The following GIMAP6 variants were observed in gnomAD, a reference collection of about 807,000 sequenced individuals.
GIMAP6 encodes GTPase, IMAP family member 6.
In GIMAP6, 6 loss-of-function variants were observed where a neutral mutation model predicts 9.3. The observed-to-expected ratio is 0.65, with a 90% CI of 0.35 to 1.27. The LOEUF is 1.27. GIMAP6 is among the 50% of genes most tolerant of loss of function. The pLI, the probability that GIMAP6 is intolerant of heterozygous loss-of-function variation, is 0.03. For missense variants in GIMAP6, 333 were observed against 359.5 expected, an observed-to-expected ratio of 0.93 and a Z score of 0.60; for synonymous variants, 156 against 151.1, an observed-to-expected ratio of 1.03 and a Z score of -0.24.
rs1271862856 is a variant in GIMAP6 at position 150,625,688 on chromosome 7, A to G, written c.*2031T>C. On this transcript the variant is annotated 3_prime_UTR_variant, in exon 3 of 3. Coordinates refer to ENST00000328902, the MANE Select transcript of GIMAP6 (RefSeq NM_024711.6). ...TTAACATAAATGTAAGACATTGCCA[A>G]CTAGAATACCAATATGATTTTGGGG... 1.3e-5 allele frequency: 2 copies of G among 152,202 alleles called. No individual in the cohort carries two copies. Among genetic ancestry groups the G allele is most frequent in the Admixed American group, 1.3e-4 (2 of 15,278 alleles). The allele number at this position is 152,202 out of a possible 1,614,324, so 9.4% of individuals were successfully genotyped here. A position where few individuals can be genotyped will look rare whatever the true frequency, so the allele number is the denominator to read the frequency against.
rs149376163 is a variant in GIMAP6 at position 150,628,354 on chromosome 7, G to T, written c.244C>A (p.Arg82=). Residue 82 remains arginine, a synonymous_variant, in exon 3 of 3, where the codon CGG becomes AGG. Coordinates refer to ENST00000328902, the MANE Select transcript of GIMAP6 (RefSeq NM_024711.6). The part of the protein sequence containing the change: ...TRPVTKTSQR[R]SREWAGKELE... ...TCCTTCCCAGCCCACTCTCGGCTCC[G>T]TCTCTGGGAGGTCTTGGTCACGGGT... 6.2e-7 allele frequency: 1 copy of T among 1,614,090 alleles called. No individual in the cohort carries two copies. The highest frequency in any genetic ancestry group is 1.1e-5 in the South Asian group (1 of 91,066).
rs759208114 is a variant in GIMAP6, at chr7:150,628,254, G to A, written c.344C>T (p.Ala115Val). Residue 115 changes from alanine to valine, a missense_variant, in exon 3 of 3, where the codon GCC (alanine) becomes GTC (valine). Coordinates refer to ENST00000328902, the MANE Select transcript of GIMAP6 (RefSeq NM_024711.6). ...GGGCCCTGGGGCGGATAAGACGATG[G>A]CTTGGCAGATAGCGTCTGCCACCTC... ...SPEVADAICQ[A>V]IVLSAPGPHA... The A allele has an allele frequency of 3.7e-6, 6 of 1,614,164 alleles. No homozygotes were observed. Among genetic ancestry groups the A allele is most frequent in the Middle Eastern group, 1.7e-4 (1 of 6,060 alleles).
chr7:150,628,803 G>A (rs1365414044), intron 2 of GIMAP6: 1 of 1,348,516 alleles, frequency 7.4e-7, no homozygotes, highest in African/African-American at 1.5e-5. Flanking sequence ...GGGGAAGAAG[G>A]CAGGAAGGGA....
At chr7:150,630,204 C>A in intron 1 of GIMAP6, 62 bp from the exon 2 acceptor site, 1 of 1,320,692 alleles carries the variant, frequency 7.6e-7, no homozygotes, top group Non-Finnish European at 1.0e-6. Flanking sequence ...TGAGTTTCAA[C>A]AGCCACCTGC....
chr7:150,628,664 T>G, intron 2 of GIMAP6, 152 bp from the exon 3 acceptor site: 1 of 1,576,212 alleles, frequency 6.3e-7, no homozygotes, highest in Non-Finnish European at 8.6e-7. Flanking sequence ...GGGCCACCAT[T>G]CTGGGCCCAC....
In GIMAP6 at chr7:150,628,414, C is replaced by T. The variant is rs369422272; in HGVS notation, c.184G>A (p.Gly62Ser). 3.1e-6 allele frequency: 5 copies of T among 1,614,010 alleles called. No individual in the cohort carries two copies. Among genetic ancestry groups the T allele is most frequent in the African/African-American group, 2.7e-5 (2 of 74,910 alleles). ...GKSATGNSIL[G>S]RDVFESKLST... The stretch of plus-strand genomic sequence containing the variant: ...AGTTTAGACTCGAAGACGTCCCTGC[C>T]GAGGATGCTGTTTCCTGTTGCACTC... The change falls in exon 3 of 3, where the codon GGC (glycine) becomes AGC (serine). Residue 62 changes from glycine to serine, a missense_variant. Gly to Ser is a moderately conservative substitution (Grantham distance 56). Coordinates refer to ENST00000328902, the MANE Select transcript of GIMAP6 (RefSeq NM_024711.6).
At position 150,632,201 on chromosome 7, in the gene GIMAP6, C is replaced by G. The variant is rs1796403773; in HGVS notation, c.-33G>C. 2 of 152,384 alleles carry G rather than the reference C, an allele frequency of 1.3e-5. No homozygotes were observed. The highest frequency in any genetic ancestry group is 4.1e-4 in the South Asian group (2 of 4,830). 9.4% of individuals were successfully genotyped at this position (152,384 alleles called of 1,614,324 possible). On this transcript the variant is annotated 5_prime_UTR_variant, in exon 1 of 3. Transcript: ENST00000328902. ...CCAGCTCACAGGCAAGAGAAAGGACCACGTTTCTGGTCTCCCGGCCACGCA... is the reference window on the plus strand; with the variant it reads ...CCAGCTCACAGGCAAGAGAAAGGACGACGTTTCTGGTCTCCCGGCCACGCA...
chr7:150,628,565 C>G (rs1796340926), intron 2 of GIMAP6, 53 bp from the exon 3 acceptor site: 2 of 1,602,704 alleles, frequency 1.2e-6, no homozygotes. Context: ...CCATGTACCC[C>G]ATCTTGTCAT....
At chr7:150,631,173 A>G (rs1796385890) in intron 1 of GIMAP6, among the ~76,000 whole-genome samples, 2 of 152,342 alleles carry the variant, frequency 1.3e-5, no homozygotes, top group South Asian at 4.1e-4. Context: ...TCTCATTGCC[A>G]CATTGTTAGA....
chr7:150,631,128 A>T (rs948973058), intron 1 of GIMAP6, among the ~76,000 whole-genome samples: 2 of 152,160 alleles, frequency 1.3e-5, no homozygotes, highest in Admixed American at 1.3e-4. Context: ...GGTGTGGGGA[A>T]ACCTAAGTCC....
intron 2 of GIMAP6, among the ~76,000 whole-genome samples, chr7:150,629,398 A>C (rs1183352023): frequency 6.6e-6 from 1 of 152,226 alleles, no homozygotes; most frequent in Non-Finnish European, 1.5e-5. Flanking sequence ...TCATAAAGTA[A>C]AAGGTCATTC....
At chr7:150,630,169 T>C (rs890155255) in intron 1 of GIMAP6, 27 bp from the exon 2 acceptor site, 5 of 938,288 alleles carry the variant, frequency 5.3e-6, no homozygotes, top group Non-Finnish European at 8.0e-6. Flanking sequence ...AAAAAAAAAA[T>C]CATATGTTCT....
chr7:150,628,568 C>G, intron 2 of GIMAP6, 56 bp from the exon 3 acceptor site: 1 of 1,602,550 alleles, frequency 6.2e-7, no homozygotes, highest in East Asian at 2.2e-5. Context: ...TGTACCCCAT[C>G]TTGTCATCAC....
At chr7:150,630,687 G>A (rs973756492) in intron 1 of GIMAP6, among the ~76,000 whole-genome samples, 2 of 152,184 alleles carry the variant, frequency 1.3e-5, no homozygotes, top group African/African-American at 4.8e-5. Flanking sequence ...GGTTACAGAG[G>A]ACTGGGATTG....
intron 2 of GIMAP6, chr7:150,628,885 C>A (rs1796347450): frequency 3.3e-6 from 2 of 604,266 alleles, no homozygotes; most frequent in Non-Finnish European, 5.5e-6. Flanking sequence ...TAGCTGGTTT[C>A]CCAGTCTTGT....
chr7:150,630,960 A>G (rs1404392915), intron 1 of GIMAP6, among the ~76,000 whole-genome samples: 8 of 152,148 alleles, frequency 5.3e-5, no homozygotes, highest in Non-Finnish European at 1.2e-4. Flanking sequence ...TCCTGGCTTC[A>G]TAGACTAACA....
At position 150,627,410 on chromosome 7, in the gene GIMAP6, G is replaced by T. The variant is rs1796312481; in HGVS notation, c.*309C>A. On this transcript the variant is annotated 3_prime_UTR_variant, in exon 3 of 3. Coordinates refer to ENST00000328902, the MANE Select transcript of GIMAP6 (RefSeq NM_024711.6). ...ACAGGCCTGCCCTCAAGAAACTTTG[G>T]TTCTATCAGAGTATAGACAAGTAAC... 1 of 429,342 alleles carries T rather than the reference G, an allele frequency of 2.3e-6. No individual in the cohort carries two copies. The highest frequency in any genetic ancestry group is 4.3e-6 in the Non-Finnish European group (1 of 234,668). 26.6% of individuals were successfully genotyped at this position (429,342 alleles called of 1,614,324 possible).
chr7:150,628,677 C>A, intron 2 of GIMAP6, 165 bp from the exon 3 acceptor site: 1 of 1,563,208 alleles, frequency 6.4e-7, no homozygotes, highest in Non-Finnish European at 8.6e-7. Flanking sequence ...GGGCCCACAT[C>A]CTTGAAGGTG....
At chr7:150,629,572 G>T (rs1023617465) in intron 2 of GIMAP6, among the ~76,000 whole-genome samples, 3 of 152,226 alleles carry the variant, frequency 2.0e-5, no homozygotes, top group African/African-American at 7.2e-5. Context: ...GGACGCCCTC[G>T]ATAAGGCAGA....
Sources: gnomAD v4.1 joint callset for allele counts (sites outside exome capture counted in the v4.1 genomes callset) on GRCh38, gnomAD v4.1.1 for gene constraint, MANE v1.5 for transcripts, NCBI Gene and HGNC (gene_info 2026-07-23, HGNC 2026-07-21) for gene names.